ATG9A: variants seen among roughly 807,000 people sequenced by gnomAD.
ATG9A encodes the protein autophagy-related protein 9A.
Under a neutral mutation model 87.1 loss-of-function variants are expected in ATG9A, and 21 were observed. The observed-to-expected ratio is 0.24, with a 90% CI of 0.17 to 0.35. The LOEUF (loss-of-function observed/expected upper bound fraction) is 0.35. ATG9A is among the 10% of genes least tolerant of loss of function. The probability of loss-of-function intolerance (pLI) is 1.00; values close to 1 mark genes in which losing one functional copy is unlikely to be tolerated. For missense variants in ATG9A, 836 were observed against 1,107.3 expected, an observed-to-expected ratio of 0.76 and a Z score of 3.48; for synonymous variants, 422 against 441.3, an observed-to-expected ratio of 0.96 and a Z score of 0.55.
At position 219,226,844 on chromosome 2, in the gene ATG9A, A is replaced by ATCATC. The variant is rs758346047; in HGVS notation, c.212+20_212+24dup. ...AGACTAAGATGTATTCTTTCACCAC[A>ATCATC]TCATCTGTCCCTTCTTATACTTACA... On this transcript the variant is annotated intron_variant, in intron 5 of 15. Transcript: ENST00000361242. The ATCATC allele has an allele frequency of 3.1e-6, 5 of 1,596,716 alleles. No homozygotes were observed. The Admixed American group carries it at 8.3e-5, about 27-fold the overall frequency.
At position 219,225,114 on chromosome 2, in the gene ATG9A, C is replaced by G; in HGVS notation, c.473G>C (p.Trp158Ser). 5 of 1,614,148 alleles carry G rather than the reference C, an allele frequency of 3.1e-6. No individual in the cohort carries two copies. The highest frequency in any genetic ancestry group is 4.2e-6 in the Non-Finnish European group (5 of 1,180,030). The change falls in exon 7 of 16, where the codon TGG (tryptophan) becomes TCG (serine). Residue 158 changes from tryptophan to serine, a missense_variant. By Grantham distance (177) the Trp-to-Ser change is radical. This residue lies in a region of ATG9A where 512 missense variants were observed against 759.6 expected (regional missense o/e 0.67). Transcript: ENST00000361242. ...IKFIYNICCY[W>S]EIHSFYLHAL... The stretch of plus-strand genomic sequence containing the variant: ...GTGCAGGTAGAAGGAGTGGATCTCC[C>G]AGTAGCAGCAAATGTTATAGATGAA...
chr2:219,226,931 A>T lies in ATG9A; in HGVS notation c.150T>A (p.Val50=), dbSNP rs1950872644. The change falls in exon 5 of 16, where the codon GTT becomes GTA. Residue 50 remains valine, a splice_region_variant and synonymous_variant. Transcript: ENST00000361242. The part of the protein sequence containing the change: ...IENLDLFFSR[V]YNLHQKNGFT... ...AGCCATTCTTCTGGTGCAGATTATA[A>T]ACGTGTAATTGTTAAGAAAAAGTAG... The T allele has an allele frequency of 6.2e-7, 1 of 1,613,100 alleles. No individual in the cohort carries two copies. Among genetic ancestry groups the T allele is most frequent in the Non-Finnish European group, 8.5e-7 (1 of 1,179,110 alleles).
In ATG9A at chr2:219,220,432, C is replaced by A. The variant is rs756862988; in HGVS notation, c.*15G>T. ...GGCCTCCATCCTGGGCCACAGGAAC[C>A]CTGCTCAGCCTTGTCTATACCTGTG... On this transcript the variant is annotated 3_prime_UTR_variant, in exon 16 of 16. Coordinates refer to ENST00000361242, the MANE Select transcript of ATG9A (RefSeq NM_001077198.3). The A allele has an allele frequency of 6.2e-7, 1 of 1,613,638 alleles. No individual in the cohort carries two copies. The highest frequency in any genetic ancestry group is 1.1e-5 in the South Asian group (1 of 91,064).
chr2:219,223,890 G>A lies in ATG9A; in HGVS notation c.1398C>T (p.Ala466=). The A allele has an allele frequency of 6.2e-7, 1 of 1,614,136 alleles. No individual in the cohort carries two copies. The highest frequency in any genetic ancestry group is 8.5e-7 in the Non-Finnish European group (1 of 1,180,028). Residue 466 remains alanine, a synonymous_variant, in exon 9 of 16, where the codon GCC becomes GCT. Transcript: ENST00000361242. The surrounding 1 kb of genome is among the most constrained non-coding windows in gnomAD (Gnocchi z 4.7). ...AHRSQTRDEF[A]QLFQYKAVFI... is the part of the protein sequence containing the mutation. The stretch of plus-strand genomic sequence containing the variant: ...TCACTGCCTTGTACTGGAAGAGCTG[G>A]GCAAACTCGTCCCGGGTCTGCGAGC...
rs753599149 is a variant in ATG9A at position 219,222,027 on chromosome 2, CTCTT to C, written c.2145+19_2145+22del. On this transcript the variant is annotated intron_variant, in intron 13 of 15. Transcript: ENST00000361242. The surrounding 1 kb of genome is among the most constrained non-coding windows in gnomAD (Gnocchi z 4.3). ...CTTCTCCGCATCTAAACCCTCTACT[CTCTT>C]TTTTAGCTGTGCACTCACCTGGTGC... 2.5e-6 allele frequency: 4 copies of C among 1,603,876 alleles called. No individual in the cohort carries two copies. Among genetic ancestry groups the C allele is most frequent in the Non-Finnish European group, 3.4e-6 (4 of 1,173,056 alleles).
chr2:219,225,732 T>C (rs964826647), intron 5 of ATG9A, among the ~76,000 whole-genome samples, 160 bp from the exon 6 acceptor site: 1 of 152,184 alleles, frequency 6.6e-6, no homozygotes, highest in Non-Finnish European at 1.5e-5. Context: ...CCCACAGGAC[T>C]GTCTCAGGCC....
chr2:219,222,975 A>G lies in ATG9A; in HGVS notation c.1600-82T>C. On this transcript the variant is annotated intron_variant, in intron 10 of 15. Coordinates refer to ENST00000361242, the MANE Select transcript of ATG9A (RefSeq NM_001077198.3). This position sits in a 1 kb window ranked among gnomAD's most constrained non-coding sequence, Gnocchi z 4.3. ...CCTTTCCTGTTAGTGGGGAGGCCTT[A>G]CCCTTGGAGAACGGAGACCACAGTA... 1.3e-6 allele frequency: 2 copies of G among 1,560,748 alleles called. No homozygotes were observed. Among genetic ancestry groups the G allele is most frequent in the South Asian group, 2.3e-5 (2 of 86,054 alleles).
chr2:219,227,059 T>G (rs1019459217), intron 4 of ATG9A, 126 bp from the exon 5 acceptor site: 1 of 767,176 alleles, frequency 1.3e-6, no homozygotes, highest in Admixed American at 2.0e-5. Context: ...CCAAGTTACT[T>G]AACCTGTCTA....
rs751882492 is a variant in ATG9A at position 219,225,472 on chromosome 2, T to G, written c.313A>C (p.Thr105Pro). The G allele has an allele frequency of 6.8e-6, 11 of 1,614,014 alleles. No homozygotes were observed. The African/African-American group carries it at 1.2e-4, about 18-fold the overall frequency. ...GGCAGAGTGACCTTGACGGGTTCAGTAGGGTGAAGACTGTGGTTCACCATC... is the reference window on the plus strand; with the variant it reads ...GGCAGAGTGACCTTGACGGGTTCAGGAGGGTGAAGACTGTGGTTCACCATC... ...NKMVNHSLHPTEPVKVTLPDA... is the reference protein window; with the variant it reads ...NKMVNHSLHPPEPVKVTLPDA... The change falls in exon 6 of 16, where the codon ACT becomes CCT. Residue 105 changes from threonine to proline, a missense_variant. By Grantham distance (38) the Thr-to-Pro change is conservative. This residue lies in a region of ATG9A where 512 missense variants were observed against 759.6 expected (regional missense o/e 0.67). Coordinates refer to ENST00000361242, the MANE Select transcript of ATG9A (RefSeq NM_001077198.3).
chr2:219,223,639 C>T lies in ATG9A; in HGVS notation c.1545G>A (p.Val515=). ...FRNFTVEVVG[V]GDTCSFAQMD... The stretch of plus-strand genomic sequence containing the variant: ...TCTGAGCAAAGGAGCAGGTATCTCC[C>T]ACACCAACGACCTCCACGGTGAAGT... The change falls in exon 10 of 16, where the codon GTG becomes GTA. Residue 515 remains valine, a synonymous_variant. Coordinates refer to ENST00000361242, the MANE Select transcript of ATG9A (RefSeq NM_001077198.3). The surrounding 1 kb of genome is among the most constrained non-coding windows in gnomAD (Gnocchi z 4.7). 1 of 1,613,830 alleles carries T rather than the reference C, an allele frequency of 6.2e-7. No homozygotes were observed. Among genetic ancestry groups the T allele is most frequent in the Non-Finnish European group, 8.5e-7 (1 of 1,179,926 alleles).
Position 219,221,132 on chromosome 2 carries a change from A to C in ATG9A, c.2316T>G (p.Pro772=). 1 of 1,611,920 alleles carries C rather than the reference A, an allele frequency of 6.2e-7. No homozygotes were observed. The highest frequency in any genetic ancestry group is 8.5e-7 in the Non-Finnish European group (1 of 1,179,054). ...AGCCCCCATGCAGGGCAGTGGTCTCAGGAGCTCCAGGCCGGGGTGCTGCAC... is the reference window on the plus strand; with the variant it reads ...AGCCCCCATGCAGGGCAGTGGTCTCCGGAGCTCCAGGCCGGGGTGCTGCAC... ...YPCAAPRPGA[P]ETTALHGGFQ... Residue 772 remains proline (P), a synonymous_variant, in exon 14 of 16, where the codon CCT becomes CCG. Coordinates refer to ENST00000361242, the MANE Select transcript of ATG9A (RefSeq NM_001077198.3).
rs553160066 is a variant in ATG9A at position 219,221,993 on chromosome 2, C to T, written c.2145+57G>A. Reference sequence around the variant, plus strand: ...AAATGGCAGAGAAGGGTTTGGAACCCCGGTCTTGCTTCTCCGCATCTAAAC... The same window carrying T: ...AAATGGCAGAGAAGGGTTTGGAACCTCGGTCTTGCTTCTCCGCATCTAAAC... On this transcript the variant is annotated intron_variant, in intron 13 of 15. Coordinates refer to ENST00000361242, the MANE Select transcript of ATG9A (RefSeq NM_001077198.3). 11 of 1,493,756 alleles carry T rather than the reference C, an allele frequency of 7.4e-6. No homozygotes were observed. In the South Asian group the frequency reaches 9.7e-5, roughly 13 times the overall value. The allele number at this position is 1,493,756 out of a possible 1,614,324, so 92.5% of individuals were successfully genotyped here. A position where few individuals can be genotyped will look rare whatever the true frequency, so the allele number is the denominator to read the frequency against.
rs1168786905 is a variant in ATG9A at position 219,225,066 on chromosome 2, C to T, written c.516+5G>A. 1 of 1,614,196 alleles carries T rather than the reference C, an allele frequency of 6.2e-7. No individual in the cohort carries two copies. Among genetic ancestry groups the T allele is most frequent in the East Asian group, 2.2e-5 (1 of 44,886 alleles). ...TGGGCTAACTGCCCAACTTCCCAGT[C>T]TTACCATAGGGATGCGCAGAGCGTG... is the stretch of plus-strand genomic sequence containing the variant. On this transcript the variant is annotated splice_donor_5th_base_variant and intron_variant, in intron 7 of 15. Coordinates refer to ENST00000361242, the MANE Select transcript of ATG9A (RefSeq NM_001077198.3).
rs1311277386 is a variant in ATG9A, at chr2:219,224,451, CAT to C, written c.918_919del (p.Ile306MetfsTer12). Reference sequence around the variant, plus strand: ...GCTGAAGAAGGCATAGAGGATTTGCCATATGAGGATGAGGGGGCACAGCAGGA... The same window carrying C: ...GCTGAAGAAGGCATAGAGGATTTGCCATGAGGATGAGGGGGCACAGCAGGA... On this transcript the variant is annotated frameshift_variant, in exon 8 of 16. Transcript: ENST00000361242. LOFTEE classifies it high-confidence loss of function. This position sits in a 1 kb window ranked among gnomAD's most constrained non-coding sequence, Gnocchi z 7.7. 1 of 1,614,052 alleles carries C rather than the reference CAT, an allele frequency of 6.2e-7. No homozygotes were observed. The highest frequency in any genetic ancestry group is 1.7e-5 in the Admixed American group (1 of 60,004).
In ATG9A at chr2:219,224,129, C is replaced by T. The variant is rs1332122901; in HGVS notation, c.1242G>A (p.Leu414=). 1.2e-6 allele frequency: 2 copies of T among 1,613,812 alleles called. No individual in the cohort carries two copies. Among genetic ancestry groups the T allele is most frequent in the Admixed American group, 3.3e-5 (2 of 60,026 alleles). ...VEHVLTTVTL[L]GVTVTVCRSF... Reference sequence around the variant, plus strand: ...ACCTGCACACGGTCACGGTGACCCCCAGGAGTGTGACGGTGGTCAGCACAT... The same window carrying T: ...ACCTGCACACGGTCACGGTGACCCCTAGGAGTGTGACGGTGGTCAGCACAT... The change falls in exon 8 of 16, where the codon CTG becomes CTA. Residue 414 remains leucine (L), a synonymous_variant. Coordinates refer to ENST00000361242, the MANE Select transcript of ATG9A (RefSeq NM_001077198.3). The surrounding 1 kb of genome is among the most constrained non-coding windows in gnomAD (Gnocchi z 7.7).
Position 219,222,976 on chromosome 2 carries a change from C to A in ATG9A, c.1600-83G>T, listed in dbSNP as rs2106439169. On this transcript the variant is annotated intron_variant, in intron 10 of 15. Coordinates refer to ENST00000361242, the MANE Select transcript of ATG9A (RefSeq NM_001077198.3). This position sits in a 1 kb window ranked among gnomAD's most constrained non-coding sequence, Gnocchi z 4.3. ...CTTTCCTGTTAGTGGGGAGGCCTTA[C>A]CCTTGGAGAACGGAGACCACAGTAT... is the stretch of plus-strand genomic sequence containing the variant. The A allele has an allele frequency of 6.4e-7, 1 of 1,562,050 alleles. No homozygotes were observed. The highest frequency in any genetic ancestry group is 1.2e-5 in the South Asian group (1 of 86,116).
At position 219,222,613 on chromosome 2, in the gene ATG9A, T is replaced by C. The variant is rs536630716; in HGVS notation, c.1848+32A>G. ...AACTCCCAGCTCCTGAAGTCCACTC[T>C]GCCCATCATCTCCCAGTCACCAGGA... On this transcript the variant is annotated intron_variant, in intron 11 of 15. Transcript: ENST00000361242. This position sits in a 1 kb window ranked among gnomAD's most constrained non-coding sequence, Gnocchi z 4.3. 9.3e-6 allele frequency: 15 copies of C among 1,610,908 alleles called. No individual in the cohort carries two copies. The South Asian group carries it at 1.5e-4, about 17-fold the overall frequency.
At chr2:219,220,951 G>C in intron 14 of ATG9A, 59 bp from the exon 15 acceptor site, 1 of 1,606,740 alleles carries the variant, frequency 6.2e-7, no homozygotes, top group African/African-American at 1.3e-5. Context: ...TGAGGAACAG[G>C]GCTGGGGGGC....
In ATG9A at chr2:219,223,380, G is replaced by A. The variant is rs2106439858; in HGVS notation, c.1599+205C>T. Among the ~76,000 whole-genome samples the A allele has an allele frequency of 6.6e-6, 1 of 152,196 alleles. No homozygotes were observed. Among genetic ancestry groups the A allele is most frequent in the African/African-American group, 2.4e-5 (1 of 41,526 alleles). ...TGGGATTACAGACGTGAGCCACCGCGCCTGGCCGTGTTGTGCCTTTCTTAA... is the reference window on the plus strand; with the variant it reads ...TGGGATTACAGACGTGAGCCACCGCACCTGGCCGTGTTGTGCCTTTCTTAA... On this transcript the variant is annotated intron_variant, in intron 10 of 15. Transcript: ENST00000361242. This position sits in a 1 kb window ranked among gnomAD's most constrained non-coding sequence, Gnocchi z 4.7.
Sources: gnomAD v4.1 joint callset for allele counts (sites outside exome capture counted in the v4.1 genomes callset) on GRCh38, gnomAD v4.1.1 for gene constraint, gnomAD v4.1.1 regional missense constraint, Gnocchi (gnomAD v3.1) non-coding constraint, MANE v1.5 for transcripts, NCBI Gene and HGNC (gene_info 2026-07-23, HGNC 2026-07-21) for gene names.